AGBL4: variants seen among roughly 807,000 people sequenced by gnomAD.
AGBL4 encodes the protein AGBL carboxypeptidase 4, also known as cytosolic carboxypeptidase 6.
AGBL4 carries 58 observed loss-of-function variants against 66.4 expected under a neutral mutation model. The observed-to-expected ratio is 0.87, with a 90% CI of 0.71 to 1.09. AGBL4 has a LOEUF of 1.09. Among genes scored for constraint, AGBL4 ranks in the 50% least tolerant of loss-of-function variants. The pLI, the probability that AGBL4 is intolerant of heterozygous loss-of-function variation, is 0.00. For synonymous variants in AGBL4, 234 were observed against 222.9 expected, an observed-to-expected ratio of 1.05 and a Z score of -0.44; for missense variants, 579 against 631.0, an observed-to-expected ratio of 0.92 and a Z score of 0.88.
rs943795214 is a variant in AGBL4, at chr1:49,193,181, AT to A, written c.377+52588del. 3.4e-5 allele frequency among the ~76,000 whole-genome samples: 5 copies of A among 148,956 alleles called. No individual in the cohort carries two copies. In the East Asian group the frequency reaches 9.9e-4, roughly 29 times the overall value. On this transcript the variant is annotated intron_variant, in intron 4 of 13. Coordinates refer to ENST00000371839, the MANE Select transcript of AGBL4 (RefSeq NM_032785.4). ...AGTTTTTCATTTCATAATGCTCTGT[AT>A]TTTTTTGGTCCCAATTTCATTTTAT...
chr1:48,757,948 T>C (rs1380973899), intron 6 of AGBL4, among the ~76,000 whole-genome samples: 1 of 152,198 alleles, frequency 6.6e-6, no homozygotes, highest in East Asian at 1.9e-4. Flanking sequence ...CTGGGCTCTA[T>C]CTTTTACAGT....
At chr1:48,871,356 TG>T (rs2148829050) in intron 5 of AGBL4, among the ~76,000 whole-genome samples, 1 of 117,040 alleles carries the variant, frequency 8.5e-6, no homozygotes, top group Admixed American at 9.4e-5. Context: ...GTAGTGGTTG[TG>T]TGTGTGTGTG....
At chr1:49,815,000 C>T (rs905109354) in intron 2 of AGBL4, among the ~76,000 whole-genome samples, 4 of 152,088 alleles carry the variant, frequency 2.6e-5, no homozygotes, top group African/African-American at 7.2e-5. Flanking sequence ...TCCCCTCAAG[C>T]GTTTATCCCT....
intron 1 of AGBL4, among the ~76,000 whole-genome samples, chr1:49,906,558 T>C (rs79998711): frequency 0.053 from 8,098 of 152,192 alleles, 238 homozygotes; most frequent in African/African-American, 0.071. Flanking sequence ...ACCCCCATTA[T>C]TGGCTAACAG....
intron 5 of AGBL4, among the ~76,000 whole-genome samples, chr1:49,012,928 G>A (rs1271378923): frequency 6.6e-6 from 1 of 152,190 alleles, no homozygotes; most frequent in African/African-American, 2.4e-5. Context: ...AAGTCATCAT[G>A]TGAGTGAATT....
At chr1:49,074,339 T>A (rs914867329) in intron 4 of AGBL4, among the ~76,000 whole-genome samples, 1 of 152,174 alleles carries the variant, frequency 6.6e-6, no homozygotes, top group African/African-American at 2.4e-5. Flanking sequence ...CCTGACCCCT[T>A]GCACTTCCCG....
chr1:49,113,906 T>C (rs980573060), intron 4 of AGBL4, among the ~76,000 whole-genome samples: 1 of 152,148 alleles, frequency 6.6e-6, no homozygotes. Context: ...TATAAACAAA[T>C]GTACTGTCAA....
chr1:48,909,630 C>G (rs991513956), intron 5 of AGBL4, among the ~76,000 whole-genome samples: 2 of 152,100 alleles, frequency 1.3e-5, no homozygotes, highest in African/African-American at 4.8e-5. Context: ...ACTCCTATTA[C>G]TAGGATGTGA....
chr1:48,700,437 G>C (rs748174790), intron 6 of AGBL4, among the ~76,000 whole-genome samples: 1 of 152,222 alleles, frequency 6.6e-6, no homozygotes, highest in Non-Finnish European at 1.5e-5. Flanking sequence ...AACAAGGGAA[G>C]TCTGCCATAT....
chr1:49,459,861 C>CTAT (rs1646472999), intron 3 of AGBL4, among the ~76,000 whole-genome samples: 3 of 151,570 alleles, frequency 2.0e-5, no homozygotes. Context: ...GGTTGTGTCA[C>CTAT]TATTATCTTT....
At chr1:49,402,657 T>C (rs553300452) in intron 3 of AGBL4, among the ~76,000 whole-genome samples, 78 of 151,492 alleles carry the variant, frequency 5.1e-4, no homozygotes, top group Non-Finnish European at 8.8e-4. Context: ...AATCTCTGCC[T>C]CCTGGGTTCA....
chr1:49,060,811 G>T (rs758191485), intron 4 of AGBL4, among the ~76,000 whole-genome samples: 2 of 152,144 alleles, frequency 1.3e-5, no homozygotes, highest in Non-Finnish European at 1.5e-5. Flanking sequence ...TCCCAGCTCA[G>T]GGAATGCTTG....
At chr1:49,062,766 G>C (rs1557607982) in intron 4 of AGBL4, among the ~76,000 whole-genome samples, 1 of 152,160 alleles carries the variant, frequency 6.6e-6, no homozygotes, top group Non-Finnish European at 1.5e-5. Context: ...GTAACTGGTT[G>C]AAATGCTGAT....
chr1:49,643,063 C>T (rs1450718794), intron 3 of AGBL4, among the ~76,000 whole-genome samples: 3 of 151,588 alleles, frequency 2.0e-5, no homozygotes, highest in East Asian at 1.9e-4. Context: ...TCCTCATATG[C>T]GCAAGAAGCT....
At chr1:49,853,253 A>G (rs187728027) in intron 1 of AGBL4, among the ~76,000 whole-genome samples, 30 of 152,296 alleles carry the variant, frequency 2.0e-4, no homozygotes, top group Non-Finnish European at 3.5e-4. Flanking sequence ...TGAGAACAAA[A>G]TTCATGAAGA....
chr1:48,871,262 A>G (rs1648625616), intron 5 of AGBL4, among the ~76,000 whole-genome samples: 1 of 152,080 alleles, frequency 6.6e-6, no homozygotes, highest in Admixed American at 6.6e-5. Flanking sequence ...GGCAGGTTTA[A>G]TAGGCAGACA....
chr1:48,793,641 AC>A (rs1233463473), intron 6 of AGBL4, among the ~76,000 whole-genome samples: 19 of 152,174 alleles, frequency 1.2e-4, no homozygotes, highest in Admixed American at 1.0e-3. Flanking sequence ...CAACAACTCC[AC>A]GGACTGTTGC....
chr1:49,978,204 C>T (rs1295464814), intron 1 of AGBL4, among the ~76,000 whole-genome samples: 4 of 152,032 alleles, frequency 2.6e-5, no homozygotes, highest in Non-Finnish European at 4.4e-5. Context: ...AATGCTAGAA[C>T]TTTGGAGGCC....
chr1:49,736,808 C>A (rs1000390034), intron 2 of AGBL4, among the ~76,000 whole-genome samples: 2 of 151,242 alleles, frequency 1.3e-5, no homozygotes, highest in African/African-American at 4.9e-5. Context: ...AGGAATCTTA[C>A]ATCAACAAGG....
Sources: allele counts gnomAD v4.1 joint callset (sites outside exome capture counted in the v4.1 genomes callset), GRCh38; gene constraint gnomAD v4.1.1; transcripts MANE v1.5; gene names NCBI Gene and HGNC (gene_info 2026-07-23, HGNC 2026-07-21).